The following ROBO2 variants were observed in gnomAD, a reference collection of about 807,000 sequenced individuals.
ROBO2 encodes the protein roundabout guidance receptor 2.
In ROBO2, 53 loss-of-function variants were observed where a neutral mutation model predicts 160.8. The observed-to-expected ratio is 0.33, with a 90% CI of 0.26 to 0.41. The LOEUF is 0.41. Among genes scored for constraint, ROBO2 ranks in the 10% least tolerant of loss-of-function variants. The pLI is 1.00. For missense variants in ROBO2, 1,577 were observed against 1,722.4 expected (o/e 0.92, Z 1.49); for synonymous variants, 664 against 611.7 (o/e 1.09, Z -1.26).
chr3:77,119,678 C>T (rs901130330), intron 2 of ROBO2, among the ~76,000 whole-genome samples: 5 of 152,102 alleles, frequency 3.3e-5, no homozygotes, highest in Non-Finnish European at 5.9e-5. Flanking sequence ...TATGAAAGTA[C>T]GTCACAAACT....
intron 2 of ROBO2, among the ~76,000 whole-genome samples, chr3:76,552,677 T>C (rs1326072876): frequency 6.6e-6 from 1 of 152,218 alleles, no homozygotes; most frequent in Non-Finnish European, 1.5e-5. Context: ...GCAAACACTC[T>C]ATTGTGAACC....
At chr3:77,115,859 T>C (rs2074142276) in intron 2 of ROBO2, among the ~76,000 whole-genome samples, 1 of 152,204 alleles carries the variant, frequency 6.6e-6, no homozygotes, top group African/African-American at 2.4e-5. Context: ...AGTCCTCAGT[T>C]GGAGTGACCT....
chr3:76,666,110 G>C (rs1169334577), intron 2 of ROBO2, among the ~76,000 whole-genome samples: 1 of 146,346 alleles, frequency 6.8e-6, no homozygotes, highest in East Asian at 2.0e-4. Context: ...CTTTCCTATA[G>C]CTGTAAATAT....
At chr3:76,495,437 A>G (rs1238757275) in intron 2 of ROBO2, among the ~76,000 whole-genome samples, 10 of 152,092 alleles carry the variant, frequency 6.6e-5, no homozygotes, top group Admixed American at 6.6e-4. Flanking sequence ...AAAAGCGATG[A>G]AAACTTCAGT....
intron 2 of ROBO2, among the ~76,000 whole-genome samples, chr3:76,505,432 T>C (rs1314027237): frequency 2.0e-5 from 3 of 152,178 alleles, no homozygotes; most frequent in Non-Finnish European, 2.9e-5. Flanking sequence ...AGAGGGTATG[T>C]TCAAGTGCCA....
intron 2 of ROBO2, among the ~76,000 whole-genome samples, chr3:76,764,345 C>A (rs1257771149): frequency 6.6e-6 from 1 of 151,714 alleles, no homozygotes; most frequent in African/African-American, 2.4e-5. Context: ...TGCTTCCTTT[C>A]TGCTCCACAT....
intron 2 of ROBO2, among the ~76,000 whole-genome samples, chr3:75,952,506 A>G (rs1027664463): frequency 3.0e-4 from 45 of 152,092 alleles, no homozygotes; most frequent in African/African-American, 1.1e-3. Flanking sequence ...AAGCAATTTT[A>G]GGTTTGCAGA....
At chr3:76,992,652 T>C (rs1054810734) in intron 2 of ROBO2, among the ~76,000 whole-genome samples, 4 of 151,892 alleles carry the variant, frequency 2.6e-5, no homozygotes, top group Admixed American at 2.6e-4. Flanking sequence ...ATTTTTTTTT[T>C]CTATATGAAG....
chr3:76,762,670 G>A (rs2108394786), intron 2 of ROBO2, among the ~76,000 whole-genome samples: 1 of 151,700 alleles, frequency 6.6e-6, no homozygotes, highest in African/African-American at 2.4e-5. Context: ...TTTTACCTAT[G>A]ATTCGAAAAA....
At position 76,008,189 on chromosome 3, in the gene ROBO2, C is replaced by G. The variant is rs187654914; in HGVS notation, c.109+70587C>G. On this transcript the variant is annotated intron_variant, in intron 2 of 26. Transcript: ENST00000487694. The stretch of plus-strand genomic sequence containing the variant: ...GGTGGAGGTTGCAGTGAGCTGAGAT[C>G]GCACCACTGCACTCCAGACTGAGTG... Among the ~76,000 whole-genome samples, 140 of 126,466 alleles carry G rather than the reference C, an allele frequency of 1.1e-3. No individual in the cohort carries two copies. The Middle Eastern group carries it at 0.02, about 18-fold the overall frequency. The allele number at this position is 126,466 out of a possible 152,430, so 83.0% of individuals were successfully genotyped here.
intron 2 of ROBO2, among the ~76,000 whole-genome samples, chr3:76,946,199 T>C (rs142620657): frequency 1.3e-5 from 2 of 152,320 alleles, no homozygotes; most frequent in African/African-American, 4.8e-5. Flanking sequence ...GTCATCAGAA[T>C]ATGCCTTGAA....
chr3:75,953,986 T>A (rs1375713380), intron 2 of ROBO2, among the ~76,000 whole-genome samples: 1 of 151,890 alleles, frequency 6.6e-6, no homozygotes, highest in African/African-American at 2.4e-5. Context: ...CTTCCCTTGC[T>A]GTTTCTCCAG....
At chr3:76,765,622 G>C (rs945817282) in intron 2 of ROBO2, among the ~76,000 whole-genome samples, 49 of 151,806 alleles carry the variant, frequency 3.2e-4, no homozygotes, top group African/African-American at 1.1e-3. Flanking sequence ...CTTCCTGTTG[G>C]AGAGGCCATC....
In ROBO2 at chr3:76,869,340, A is replaced by ATCTTTT. The variant is rs1178461363; in HGVS notation, c.110-228673_110-228672insCTTTTT. ...TATTTTATGTGCCTAGTAGAAATTG[A>ATCTTTT]TGTTTTTTTTTTTTTTTTTTTTTTT... On this transcript the variant is annotated intron_variant, in intron 2 of 26. Transcript: ENST00000487694. Among the ~76,000 whole-genome samples, 15 of 108,144 alleles carry ATCTTTT rather than the reference A, an allele frequency of 1.4e-4. 3 individuals carry two copies. The highest frequency in any genetic ancestry group is 4.6e-4 in the African/African-American group (13 of 28,018). The allele number at this position is 108,144 out of a possible 152,430, so 70.9% of individuals were successfully genotyped here. A position where few individuals can be genotyped will look rare whatever the true frequency, so the allele number is the denominator to read the frequency against.
chr3:76,272,236 T>C (rs539394686), intron 2 of ROBO2, among the ~76,000 whole-genome samples: 1 of 152,292 alleles, frequency 6.6e-6, no homozygotes, highest in South Asian at 2.1e-4. Context: ...CATAAATCCT[T>C]TATAATTTTA....
chr3:76,422,551 T>C (rs1392160576), intron 2 of ROBO2, among the ~76,000 whole-genome samples: 1 of 152,224 alleles, frequency 6.6e-6, no homozygotes, highest in Non-Finnish European at 1.5e-5. Flanking sequence ...GGGCGCCATT[T>C]AGTAAATTGC....
chr3:77,192,769 C>T (rs964458964), intron 2 of ROBO2, among the ~76,000 whole-genome samples: 2 of 151,496 alleles, frequency 1.3e-5, no homozygotes, highest in African/African-American at 4.9e-5. Context: ...CCTCAGCCCC[C>T]CAAGTAGCTG....
At chr3:76,418,040 A>G (rs7647603) in intron 2 of ROBO2, among the ~76,000 whole-genome samples, 70,893 of 151,476 alleles carry the variant, frequency 0.47, 16,710 homozygotes, top group East Asian at 0.51. Context: ...AGCTATGAAA[A>G]TAACCTTAAC....
chr3:76,602,538 G>A (rs961770708), intron 2 of ROBO2, among the ~76,000 whole-genome samples: 3 of 152,252 alleles, frequency 2.0e-5, no homozygotes, highest in Non-Finnish European at 4.4e-5. Flanking sequence ...GGCAGCAGAC[G>A]AGAGAATGCG....
Sources: gnomAD v4.1 joint callset for allele counts (sites outside exome capture counted in the v4.1 genomes callset) on GRCh38, gnomAD v4.1.1 for gene constraint, MANE v1.5 for transcripts, NCBI Gene and HGNC (gene_info 2026-07-23, HGNC 2026-07-21) for gene names.